The following BMP2K variants were observed in gnomAD, a reference collection of about 807,000 sequenced individuals.
The protein encoded by BMP2K is BMP-2-inducible protein kinase.
Under a neutral mutation model 116.0 loss-of-function variants are expected in BMP2K, and 74 were observed. The ratio of observed to expected loss-of-function variants is 0.64; its 90% CI spans 0.53 to 0.77. The LOEUF is 0.77. Ranked by LOEUF, BMP2K falls within the 30% of genes least tolerant of loss-of-function variation. The pLI, the probability that BMP2K is intolerant of heterozygous loss-of-function variation, is 0.00. For synonymous variants in BMP2K, 486 were observed against 502.5 expected, an observed-to-expected ratio of 0.97 and a Z score of 0.44; for missense variants, 1,365 against 1,403.6, an observed-to-expected ratio of 0.97 and a Z score of 0.44.
At chr4:78,904,960 T>C (rs2110100591) in intron 15 of BMP2K, among the ~76,000 whole-genome samples, 1 of 152,040 alleles carries the variant, frequency 6.6e-6, no homozygotes, top group East Asian at 1.9e-4. Context: ...AAAACATTCT[T>C]AGTAACTCTG....
At position 78,851,024 on chromosome 4, in the gene BMP2K, C is replaced by T. The variant is rs1385275066; in HGVS notation, c.851C>T (p.Ser284Phe). The change falls in exon 7 of 16, where the codon TCT becomes TTT. Residue 284 changes from serine to phenylalanine, a missense_variant. Coordinates refer to ENST00000502613, the MANE Select transcript of BMP2K (RefSeq NM_198892.2). ...GGCAACTTCACCATCCCAGACAATTCTCGTTACTCCCGTAACATACATTGC... is the reference window on the plus strand; with the variant it reads ...GGCAACTTCACCATCCCAGACAATTTTCGTTACTCCCGTAACATACATTGC... ...CDGNFTIPDN[S>F]RYSRNIHCLI... 2 of 1,611,580 alleles carry T rather than the reference C, an allele frequency of 1.2e-6. No homozygotes were observed. The highest frequency in any genetic ancestry group is 1.7e-5 in the Admixed American group (1 of 59,758).
intron 2 of BMP2K, among the ~76,000 whole-genome samples, chr4:78,827,540 CT>C (rs1281801641): frequency 2.0e-5 from 3 of 152,160 alleles, no homozygotes; most frequent in African/African-American, 7.2e-5. Flanking sequence ...TGCAGTACCC[CT>C]ATGTGTGCTC....
chr4:78,867,279 A>G (rs1026516562), intron 10 of BMP2K, among the ~76,000 whole-genome samples: 2 of 152,218 alleles, frequency 1.3e-5, no homozygotes, highest in African/African-American at 2.4e-5. Context: ...CTCAGTAGCT[A>G]AAGATGTTGA....
At chr4:78,866,363 A>T (rs528627846) in intron 10 of BMP2K, among the ~76,000 whole-genome samples, 1 of 152,236 alleles carries the variant, frequency 6.6e-6, no homozygotes, top group Admixed American at 6.5e-5. Flanking sequence ...ATTTCATGAT[A>T]AATCTGTCGT....
chr4:78,837,826 A>G (rs113013718), intron 3 of BMP2K, among the ~76,000 whole-genome samples: 288 of 152,214 alleles, frequency 1.9e-3, no homozygotes, highest in African/African-American at 6.6e-3. Flanking sequence ...AATTTTTTGT[A>G]GAAACAGGGT....
chr4:78,831,881 C>A (rs1730223918), intron 2 of BMP2K, among the ~76,000 whole-genome samples: 1 of 152,132 alleles, frequency 6.6e-6, no homozygotes, highest in Non-Finnish European at 1.5e-5. Context: ...CCTCCCATTT[C>A]TCCCCTCCTC....
chr4:78,890,762 C>G (rs563730141), intron 15 of BMP2K, among the ~76,000 whole-genome samples: 1 of 152,170 alleles, frequency 6.6e-6, no homozygotes, highest in Non-Finnish European at 1.5e-5. Context: ...CTGGAGCTGT[C>G]ACACTTATAA....
chr4:78,777,031 C>T (rs1727283899), intron 1 of BMP2K, among the ~76,000 whole-genome samples: 1 of 152,118 alleles, frequency 6.6e-6, no homozygotes, highest in Admixed American at 6.5e-5. Context: ...GCCAGTGACT[C>T]ATTAGAGGGT....
intron 14 of BMP2K, among the ~76,000 whole-genome samples, chr4:78,886,084 A>G (rs1056179208): frequency 3.9e-5 from 6 of 152,210 alleles, no homozygotes; most frequent in African/African-American, 1.4e-4. Flanking sequence ...TGTGTTGCTC[A>G]GGCTGGTTTC....
At chr4:78,801,486 A>G (rs796241941) in intron 1 of BMP2K, among the ~76,000 whole-genome samples, 7 of 151,990 alleles carry the variant, frequency 4.6e-5, no homozygotes, top group African/African-American at 1.2e-4. Flanking sequence ...GTCGCTATGT[A>G]TTGTTTTGAG....
chr4:78,792,969 A>T (rs1174615437), intron 1 of BMP2K, among the ~76,000 whole-genome samples: 1 of 152,156 alleles, frequency 6.6e-6, no homozygotes, highest in Admixed American at 6.5e-5. Context: ...TTCAACCAAA[A>T]CAACATATCA....
At chr4:78,892,074 T>A (rs745322039) in intron 15 of BMP2K, among the ~76,000 whole-genome samples, 6 of 152,198 alleles carry the variant, frequency 3.9e-5, no homozygotes, top group Non-Finnish European at 7.4e-5. Flanking sequence ...TTGTAATCTG[T>A]CAGGCTTTTG....
intron 1 of BMP2K, among the ~76,000 whole-genome samples, chr4:78,801,340 G>A (rs948231326): frequency 7.3e-6 from 1 of 136,950 alleles, no homozygotes; most frequent in Non-Finnish European, 1.5e-5. Context: ...GATGGTTGAA[G>A]TAGCTGTGTG....
intron 1 of BMP2K, among the ~76,000 whole-genome samples, chr4:78,793,289 A>G (rs1423636658): frequency 1.3e-5 from 2 of 151,500 alleles, no homozygotes; most frequent in East Asian, 1.9e-4. Context: ...GGGCGCCTGT[A>G]GTCCTAGCTA....
chr4:78,859,529 A>G, intron 7 of BMP2K, 55 bp from the exon 8 acceptor site: 1 of 1,144,560 alleles, frequency 8.7e-7, no homozygotes, highest in Non-Finnish European at 1.3e-6. Context: ...TGTGCCCCTA[A>G]GTAGTATAAT....
intron 1 of BMP2K, among the ~76,000 whole-genome samples, chr4:78,788,222 T>G (rs1296917012): frequency 6.6e-6 from 1 of 152,150 alleles, no homozygotes; most frequent in African/African-American, 2.4e-5. Context: ...TGCTACTGAC[T>G]CATGATCAGT....
chr4:78,821,650 A>G (rs80309203), intron 1 of BMP2K, among the ~76,000 whole-genome samples: 1 of 152,174 alleles, frequency 6.6e-6, no homozygotes, highest in Non-Finnish European at 1.5e-5. Context: ...TAGCAAATCA[A>G]GAGGTCTGAC....
chr4:78,908,789 G>A (rs969113231), intron 15 of BMP2K, among the ~76,000 whole-genome samples: 9 of 152,016 alleles, frequency 5.9e-5, no homozygotes, highest in African/African-American at 2.2e-4. Flanking sequence ...TACATAGTAG[G>A]TATATACATT....
At chr4:78,885,521 C>G (rs918639109) in intron 14 of BMP2K, among the ~76,000 whole-genome samples, 4 of 152,156 alleles carry the variant, frequency 2.6e-5, no homozygotes, top group Non-Finnish European at 5.9e-5. Flanking sequence ...GCTGCTTGAA[C>G]TTGGGGCTTT....
Sources: allele counts gnomAD v4.1 joint callset (sites outside exome capture counted in the v4.1 genomes callset), GRCh38; gene constraint gnomAD v4.1.1; transcripts MANE v1.5; gene names NCBI Gene and HGNC (gene_info 2026-07-23, HGNC 2026-07-21).